Variants in DECR1 observed in about 807,000 individuals in gnomAD.
DECR1 encodes 2,4-dienoyl-CoA reductase 1, also known as 2,4-dienoyl-CoA reductase [(3E)-enoyl-CoA-producing], mitochondrial.
In DECR1, 44 loss-of-function variants were observed where a neutral mutation model predicts 38.8. The ratio of observed to expected loss-of-function variants is 1.13; its 90% CI spans 0.89 to 1.46. The LOEUF is 1.46. DECR1 is among the 40% of genes most tolerant of loss of function. The pLI is 0.00. For synonymous variants in DECR1, 148 were observed against 135.2 expected, an observed-to-expected ratio of 1.09 and a Z score of -0.66; for missense variants, 428 against 405.5, an observed-to-expected ratio of 1.06 and a Z score of -0.48.
intron 2 of DECR1, among the ~76,000 whole-genome samples, chr8:90,017,777 A>G (rs1371285781): frequency 2.0e-5 from 3 of 152,000 alleles, no homozygotes; most frequent in Admixed American, 2.0e-4. Context: ...TTTTTTTTTT[A>G]AGCACTATAT....
At chr8:90,028,514 C>T (rs1311196220) in intron 5 of DECR1, among the ~76,000 whole-genome samples, 1 of 151,904 alleles carries the variant, frequency 6.6e-6, no homozygotes, top group East Asian at 1.9e-4. Flanking sequence ...AGCTAGAATT[C>T]CTTATACCTA....
intron 5 of DECR1, among the ~76,000 whole-genome samples, chr8:90,029,934 C>T (rs1586154256): frequency 6.6e-6 from 1 of 152,068 alleles, no homozygotes; most frequent in South Asian, 2.1e-4. Context: ...GAAGGATTAC[C>T]AGTTCAGGGG....
intron 4 of DECR1, 72 bp from the exon 5 acceptor site, chr8:90,020,837 G>T: frequency 7.7e-7 from 1 of 1,291,008 alleles, no homozygotes. Context: ...ATACATTTCA[G>T]AAAAAAAACC....
rs146604492 is a variant in DECR1 at position 90,046,537 on chromosome 8, A to G, written c.885+1542A>G. 8.7e-3 allele frequency among the ~76,000 whole-genome samples: 1,319 copies of G among 152,364 alleles called. 8 individuals carry two copies. Among genetic ancestry groups the G allele is most frequent in the Middle Eastern group, 0.048 (14 of 294 alleles). ...CAAAGCCTCCAAGAAATATGGGACT[A>G]TGTGAAAAGACCAAATCTACGTCTG... On this transcript the variant is annotated intron_variant, in intron 8 of 9. Coordinates refer to ENST00000220764, the MANE Select transcript of DECR1 (RefSeq NM_001359.2).
At chr8:90,009,891 A>G (rs888735182) in intron 1 of DECR1, among the ~76,000 whole-genome samples, 1 of 152,240 alleles carries the variant, frequency 6.6e-6, no homozygotes, top group Non-Finnish European at 1.5e-5. Context: ...AACTGCAGAC[A>G]GATAACCACT....
intron 8 of DECR1, among the ~76,000 whole-genome samples, chr8:90,050,993 G>T (rs1814069455): frequency 6.6e-6 from 1 of 152,060 alleles, no homozygotes; most frequent in Non-Finnish European, 1.5e-5. Flanking sequence ...TTGGACACAG[G>T]GTGGTGAACA....
chr8:90,017,898 T>G (rs1272666311), intron 2 of DECR1, among the ~76,000 whole-genome samples: 1 of 152,238 alleles, frequency 6.6e-6, no homozygotes, highest in Non-Finnish European at 1.5e-5. Context: ...TTATTTTTTG[T>G]GAGGTGGAGT....
chr8:90,018,381 T>G (rs896763559), intron 2 of DECR1, among the ~76,000 whole-genome samples: 3 of 152,222 alleles, frequency 2.0e-5, no homozygotes, highest in African/African-American at 7.2e-5. Context: ...TTGAATGGTG[T>G]AAAATTTTAG....
intron 1 of DECR1, among the ~76,000 whole-genome samples, chr8:90,013,352 A>G (rs868804693): frequency 1.3e-5 from 2 of 150,590 alleles, no homozygotes; most frequent in Non-Finnish European, 3.0e-5. Context: ...TTTGTTTTAA[A>G]TGAAATTTAG....
At chr8:90,001,824 G>A (rs377709016) in intron 1 of DECR1, among the ~76,000 whole-genome samples, 19 of 151,696 alleles carry the variant, frequency 1.3e-4, no homozygotes, top group African/African-American at 4.4e-4. Flanking sequence ...GTTCTGGAGC[G>A]CTAAGAGAGC....
chr8:90,044,998 A>G lies in DECR1; in HGVS notation c.885+3A>G. On this transcript the variant is annotated splice_donor_region_variant and intron_variant, in intron 8 of 9. Coordinates refer to ENST00000220764, the MANE Select transcript of DECR1 (RefSeq NM_001359.2). ...ATGCTTCTTGGATTAATGGAGCAGT[A>G]AGCGTTGTTTATTTCTCTTCACTTT... 1 of 1,613,700 alleles carries G rather than the reference A, an allele frequency of 6.2e-7. No homozygotes were observed. The highest frequency in any genetic ancestry group is 8.5e-7 in the Non-Finnish European group (1 of 1,179,878).
chr8:90,001,510 G>A lies in DECR1; in HGVS notation c.18G>A (p.Arg6=). The A allele has an allele frequency of 1.2e-6, 2 of 1,614,028 alleles. No individual in the cohort carries two copies. Among genetic ancestry groups the A allele is most frequent in the Non-Finnish European group, 8.5e-7 (1 of 1,179,926 alleles). Residue 6 remains arginine (R), a synonymous_variant, in exon 1 of 10, where the codon AGG becomes AGA. Transcript: ENST00000220764. ...GACTCAACATGAAGCTACCGGCCAG[G>A]GTTTTCTTTACTCTGGGGTCCCGGC... is the stretch of plus-strand genomic sequence containing the variant. The part of the protein sequence containing the change: MKLPA[R]VFFTLGSRLP...
intron 5 of DECR1, among the ~76,000 whole-genome samples, chr8:90,021,565 T>G (rs1037252583): frequency 3.9e-5 from 6 of 152,212 alleles, no homozygotes; most frequent in African/African-American, 1.2e-4. Flanking sequence ...AAATAGGAAG[T>G]ATTTTTGTAT....
rs1214552370 is a variant in DECR1, at chr8:90,052,873, T to C, written c.*976T>C. On this transcript the variant is annotated 3_prime_UTR_variant, in exon 10 of 10. Coordinates refer to ENST00000220764, the MANE Select transcript of DECR1 (RefSeq NM_001359.2). ...ATGTTCACTAGACTGACTATCCCCA[T>C]TGCCCAAGTTGACACAAGAGGAAAC... 7.9e-5 allele frequency among the ~76,000 whole-genome samples: 12 copies of C among 152,150 alleles called. No individual in the cohort carries two copies.
intron 8 of DECR1, among the ~76,000 whole-genome samples, chr8:90,049,753 C>A (rs958153507): frequency 1.3e-5 from 2 of 152,216 alleles, no homozygotes; most frequent in African/African-American, 4.8e-5. Flanking sequence ...AAGCTGGCAT[C>A]ATCACACTAC....
chr8:90,042,801 G>C lies in DECR1; in HGVS notation c.738+1G>C. ...TCAACCAGGGCCTATAAAAACCAAA[G>C]TAAGTTGTATTTTGCTTGTTATCAC... On this transcript the variant is annotated splice_donor_variant, in intron 7 of 9. Coordinates refer to ENST00000220764, the MANE Select transcript of DECR1 (RefSeq NM_001359.2). LOFTEE classifies it high-confidence loss of function. 6.2e-7 allele frequency: 1 copy of C among 1,611,636 alleles called. No individual in the cohort carries two copies. The highest frequency in any genetic ancestry group is 1.1e-5 in the South Asian group (1 of 91,038).
At chr8:90,017,356 A>G in intron 2 of DECR1, 30 bp downstream of exon 2, 1 of 1,582,158 alleles carries the variant, frequency 6.3e-7, no homozygotes, top group African/African-American at 1.4e-5. Flanking sequence ...CCTATTGGCG[A>G]CGCTTTTGAA....
At chr8:90,008,301 G>T (rs1179483880) in intron 1 of DECR1, among the ~76,000 whole-genome samples, 1 of 152,214 alleles carries the variant, frequency 6.6e-6, no homozygotes, top group East Asian at 1.9e-4. Context: ...AGGTCTGGCT[G>T]GTTGGGTTCT....
chr8:90,046,620 A>G (rs1223562098), intron 8 of DECR1, among the ~76,000 whole-genome samples: 1 of 152,238 alleles, frequency 6.6e-6, no homozygotes, highest in Non-Finnish European at 1.5e-5. Context: ...GCTGCAGGAT[A>G]TTATCCAGGA....
Sources: allele counts gnomAD v4.1 joint callset (sites outside exome capture counted in the v4.1 genomes callset), GRCh38; gene constraint gnomAD v4.1.1; transcripts MANE v1.5; gene names NCBI Gene and HGNC (gene_info 2026-07-23, HGNC 2026-07-21).